Variants in SUGCT observed in about 807,000 individuals in gnomAD.
SUGCT encodes the protein succinyl-CoA:glutarate-CoA transferase, also known as succinyl-CoA:glutarate CoA-transferase.
Under a neutral mutation model 55.0 loss-of-function variants are expected in SUGCT, and 41 were observed. The ratio of observed to expected loss-of-function variants is 0.74; its 90% confidence interval spans 0.58 to 0.97. The LOEUF (loss-of-function observed/expected upper bound fraction) is 0.97. Ranked by LOEUF, SUGCT falls within the 50% of genes least tolerant of loss-of-function variation. The pLI is 0.00. For synonymous variants in SUGCT, 187 were observed against 200.4 expected, an observed-to-expected ratio of 0.93 and a Z score of 0.56; for missense variants, 568 against 547.8, an observed-to-expected ratio of 1.04 and a Z score of -0.37.
chr7:40,929,833 T>C, the SUGCT span, among the ~76,000 whole-genome samples: 1 of 152,348 alleles, frequency 6.6e-6, no homozygotes, highest in East Asian at 1.9e-4. Context: ...CTTTGTCAGA[T>C]GGGTAGATTG....
chr7:40,483,938 T>TG (rs1791194699), intron 11 of SUGCT, among the ~76,000 whole-genome samples: 1 of 152,174 alleles, frequency 6.6e-6, no homozygotes, highest in African/African-American at 2.4e-5. Context: ...ATGTGTCTAG[T>TG]TTCTGACTGA....
At chr7:40,564,269 G>C (rs1290108543) in intron 12 of SUGCT, among the ~76,000 whole-genome samples, 1 of 152,136 alleles carries the variant, frequency 6.6e-6, no homozygotes, top group Non-Finnish European at 1.5e-5. Context: ...CCAGTTACTC[G>C]GGAGGCTGAG....
chr7:40,982,764 C>G, the SUGCT span, among the ~76,000 whole-genome samples: 1 of 152,190 alleles, frequency 6.6e-6, no homozygotes, highest in African/African-American at 2.4e-5. Flanking sequence ...CCTCTCATCT[C>G]AGCCTCCTGA....
intron 12 of SUGCT, among the ~76,000 whole-genome samples, chr7:40,676,497 G>GTTTTTTT (rs1280564538): frequency 1.4e-4 from 18 of 127,642 alleles, no homozygotes; most frequent in African/African-American, 3.4e-4. Context: ...TTGCGGTTTT[G>GTTTTTTT]TTTTTTGTTT....
At chr7:40,895,821 G>C in the SUGCT span, among the ~76,000 whole-genome samples, 1 of 152,184 alleles carries the variant, frequency 6.6e-6, no homozygotes, top group African/African-American at 2.4e-5. Context: ...CAAAGCTATT[G>C]TAATCAACAC....
intron 9 of SUGCT, among the ~76,000 whole-genome samples, chr7:40,391,594 A>G (rs1460320584): frequency 1.9e-5 from 2 of 103,502 alleles, no homozygotes; most frequent in African/African-American, 7.2e-5. Flanking sequence ...ATACCATCTC[A>G]CACCAGTTCG....
At chr7:40,578,545 C>G (rs1796901795) in intron 12 of SUGCT, among the ~76,000 whole-genome samples, 1 of 152,104 alleles carries the variant, frequency 6.6e-6, no homozygotes, top group Non-Finnish European at 1.5e-5. Flanking sequence ...TATTCCTTCA[C>G]CTGGAACATT....
In SUGCT at chr7:40,144,854, AC is replaced by A. The variant is rs543379616; in HGVS notation, c.100+9736del. Among the ~76,000 whole-genome samples, 16 of 152,270 alleles carry A rather than the reference AC, an allele frequency of 1.1e-4. No individual in the cohort carries two copies. The East Asian group carries it at 2.9e-3, about 28-fold the overall frequency. On this transcript the variant is annotated intron_variant, in intron 1 of 13. Coordinates refer to ENST00000335693, the MANE Select transcript of SUGCT (RefSeq NM_001193313.2). ...ACAATGCTTCCTGTATGATTTTTAT[AC>A]CAGAAAAGCTAAATTTCACCTTTAT... is the stretch of plus-strand genomic sequence containing the variant.
chr7:40,462,217 T>C (rs1789841357), intron 11 of SUGCT, among the ~76,000 whole-genome samples: 1 of 152,072 alleles, frequency 6.6e-6, no homozygotes, highest in African/African-American at 2.4e-5. Context: ...GATCAGAAGC[T>C]TGCAAGAAAT....
chr7:40,636,758 G>T (rs928388883), intron 12 of SUGCT, among the ~76,000 whole-genome samples: 1 of 152,044 alleles, frequency 6.6e-6, no homozygotes, highest in African/African-American at 2.4e-5. Flanking sequence ...TGCTTAAAAG[G>T]ATACATTTTA....
chr7:40,309,856 C>CA (rs1475691043), intron 8 of SUGCT, among the ~76,000 whole-genome samples: 1 of 124,878 alleles, frequency 8.0e-6, no homozygotes, highest in Non-Finnish European at 1.7e-5. Context: ...TGATCAACAA[C>CA]AAAAAAGTGG....
chr7:40,443,362 C>A (rs545593597), intron 9 of SUGCT, among the ~76,000 whole-genome samples: 1 of 152,312 alleles, frequency 6.6e-6, no homozygotes, highest in Middle Eastern at 3.4e-3. Context: ...GCTCCTATTT[C>A]TCCACATCCA....
intron 6 of SUGCT, among the ~76,000 whole-genome samples, chr7:40,206,049 A>G (rs1786957786): frequency 1.3e-5 from 2 of 152,330 alleles, no homozygotes; most frequent in South Asian, 4.1e-4. Flanking sequence ...GAAAAAGATG[A>G]CAATACTAGT....
chr7:40,291,528 A>C, intron 8 of SUGCT, among the ~76,000 whole-genome samples: 2 of 125,606 alleles, frequency 1.6e-5, no homozygotes, highest in Non-Finnish European at 3.3e-5. Flanking sequence ...GGGGGGAGGG[A>C]TAGCATTAGG....
At chr7:41,022,868 G>T in the SUGCT span, among the ~76,000 whole-genome samples, 1 of 152,180 alleles carries the variant, frequency 6.6e-6, no homozygotes, top group Non-Finnish European at 1.5e-5. Context: ...ATCAGTATTT[G>T]TCATAAATAT....
At position 40,651,998 on chromosome 7, in the gene SUGCT, A is replaced by G. The variant is rs115167000; in HGVS notation, c.1090-97436A>G. ...CCTTAAGATTATTTGATCCCATCCT[A>G]GATCCTTGACTTTTTGTCCTCATTG... On this transcript the variant is annotated intron_variant, in intron 12 of 13. Coordinates refer to ENST00000335693, the MANE Select transcript of SUGCT (RefSeq NM_001193313.2). 2.8e-3 allele frequency among the ~76,000 whole-genome samples: 432 copies of G among 152,080 alleles called. 2 individuals are homozygous for G. Among genetic ancestry groups the G allele is most frequent in the African/African-American group, 9.9e-3 (410 of 41,494 alleles).
chr7:40,482,939 G>A (rs190688840), intron 11 of SUGCT, among the ~76,000 whole-genome samples: 72 of 152,240 alleles, frequency 4.7e-4, no homozygotes, highest in Non-Finnish European at 8.5e-4. Context: ...TCCATCTTTT[G>A]TGTGGCCTGC....
intron 5 of SUGCT, among the ~76,000 whole-genome samples, chr7:40,192,630 C>CTTT (rs748789860): frequency 7.4e-5 from 10 of 134,810 alleles, no homozygotes; most frequent in South Asian, 2.3e-4. Flanking sequence ...TTCTTTCTTT[C>CTTT]TTTTTTTTTT....
chr7:40,782,525 A>G (rs1789806288), intron 13 of SUGCT: 1 of 152,154 alleles, frequency 6.6e-6, no homozygotes, highest in African/African-American at 2.4e-5. Flanking sequence ...AAAGATTTCT[A>G]GCAAAATCAT....
Sources: gnomAD v4.1 joint callset for allele counts (sites outside exome capture counted in the v4.1 genomes callset) on GRCh38, gnomAD v4.1.1 for gene constraint, MANE v1.5 for transcripts, NCBI Gene and HGNC (gene_info 2026-07-23, HGNC 2026-07-21) for gene names.